Variants in HSPG2 observed in about 807,000 individuals in gnomAD.
HSPG2 encodes heparan sulfate proteoglycan 2.
In HSPG2, 278 loss-of-function variants were observed where a neutral mutation model predicts 526.6. That is an observed-to-expected ratio of 0.53 (90% CI 0.48 to 0.58). The LOEUF (loss-of-function observed/expected upper bound fraction) is 0.58, where lower values mean the gene tolerates loss of function less well. Among genes scored for constraint, HSPG2 ranks in the 20% least tolerant of loss-of-function variants. HSPG2 has a pLI of 0.00. For synonymous variants in HSPG2, 2,465 were observed against 2,555.4 expected (o/e 0.96, Z 1.07); for missense variants, 5,354 against 6,099.5 (o/e 0.88, Z 4.07).
chr1:21,852,927 G>A lies in HSPG2; in HGVS notation c.6583C>T (p.Arg2195Trp), dbSNP rs566319401. 20 of 1,613,012 alleles carry A rather than the reference G, an allele frequency of 1.2e-5. No homozygotes were observed. The highest frequency in any genetic ancestry group is 1.7e-4 in the Middle Eastern group (1 of 5,932). Reference protein sequence around the residue: ...WHKRGGSLPARHQTHGSLLRL... With the variant: ...WHKRGGSLPAWHQTHGSLLRL... ...CCGGGGGGCTGCCATACCTGGTGCC[G>A]GGCAGGGAGGCTGCCCCCACGCTTG... is the stretch of plus-strand genomic sequence containing the variant. The change falls in exon 51 of 97, where the codon CGG becomes TGG. Residue 2195 changes from arginine to tryptophan, a missense_variant. Arg to Trp is a moderately radical substitution (Grantham distance 101, BLOSUM62 -3). Coordinates refer to ENST00000374695, the MANE Select transcript of HSPG2 (RefSeq NM_005529.7).
At position 21,878,178 on chromosome 1, in the gene HSPG2, A is replaced by G. The variant is rs763446015; in HGVS notation, c.2685+8T>C. 1.2e-6 allele frequency: 2 copies of G among 1,613,328 alleles called. No individual in the cohort carries two copies. Among genetic ancestry groups the G allele is most frequent in the Non-Finnish European group, 1.7e-6 (2 of 1,179,628 alleles). On this transcript the variant is annotated splice_region_variant and intron_variant, in intron 21 of 96. Transcript: ENST00000374695. ...GGCCCCTGGGTGGGTGGCAGATGGC[A>G]CGCGTACCTTACAGCGGCAGGCCTC... is the stretch of plus-strand genomic sequence containing the variant.
chr1:21,898,385 C>G lies in HSPG2; in HGVS notation c.64-2075G>C, dbSNP rs78944610. On this transcript the variant is annotated intron_variant, in intron 1 of 96. Coordinates refer to ENST00000374695, the MANE Select transcript of HSPG2 (RefSeq NM_005529.7). This position sits in a 1 kb window ranked among gnomAD's most constrained non-coding sequence, Gnocchi z 4.0. Reference sequence around the variant, plus strand: ...TCCTTCTCCTCTCCCTGCCCTCTCCCTGTCCTCCTGAGTGCTGGCCTGTGG... The same window carrying G: ...TCCTTCTCCTCTCCCTGCCCTCTCCGTGTCCTCCTGAGTGCTGGCCTGTGG... 5.4e-3 allele frequency among the ~76,000 whole-genome samples: 828 copies of G among 152,352 alleles called. 8 individuals are homozygous for G. Among genetic ancestry groups the G allele is most frequent in the African/African-American group, 0.019 (802 of 41,578 alleles).
intron 1 of HSPG2, among the ~76,000 whole-genome samples, chr1:21,922,814 C>A (rs35304121): frequency 0.015 from 2,296 of 152,264 alleles, 26 homozygotes; most frequent in South Asian, 0.025. Context: ...AAGCTTTGAT[C>A]TTATCACACA....
chr1:21,922,945 G>T lies in HSPG2; in HGVS notation c.63+14210C>A, dbSNP rs182061039. Among the ~76,000 whole-genome samples, 132 of 152,186 alleles carry T rather than the reference G, an allele frequency of 8.7e-4. 1 individual carries two copies. The East Asian group carries it at 0.025, about 29-fold the overall frequency. ...AAGTCGAATCCAGGCTTGAGCTGAT[G>T]TTTCCCCCATCCCGCCCCCACCCCG... is the stretch of plus-strand genomic sequence containing the variant. On this transcript the variant is annotated intron_variant, in intron 1 of 96. Coordinates refer to ENST00000374695, the MANE Select transcript of HSPG2 (RefSeq NM_005529.7).
intron 37 of HSPG2, 68 bp from the exon 38 acceptor site, chr1:21,862,183 A>T: frequency 6.4e-7 from 1 of 1,564,906 alleles, no homozygotes; most frequent in East Asian, 2.2e-5. Context: ...TCAGGGTTGC[A>T]ATCCCTTGAT....
chr1:21,850,068 G>C lies in HSPG2; in HGVS notation c.7419C>G (p.Arg2473=). 1 of 1,613,410 alleles carries C rather than the reference G, an allele frequency of 6.2e-7. No individual in the cohort carries two copies. Among genetic ancestry groups the C allele is most frequent in the East Asian group, 2.2e-5 (1 of 44,886 alleles). The stretch of plus-strand genomic sequence containing the variant: ...GGTGCCGGGCCGGGAGGCTGCCCCC[G>C]CGCTTGTGCCACGTGACCTGGGCAT... The part of the protein sequence containing the change: ...QAHAQVTWHK[R]GGSLPARHQV... Residue 2473 remains arginine (R), a synonymous_variant, in exon 57 of 97, where the codon CGC becomes CGG. Transcript: ENST00000374695.
chr1:21,829,425 T>A lies in HSPG2; in HGVS notation c.11950A>T (p.Met3984Leu). The A allele has an allele frequency of 6.2e-7, 1 of 1,613,290 alleles. No homozygotes were observed. The highest frequency in any genetic ancestry group is 1.1e-5 in the South Asian group (1 of 91,064). ...CGGAACTCCAGGTGGCCGCCCACCA[T>A]CGCCAGGGACACGAAGTCCTCCACA... is the stretch of plus-strand genomic sequence containing the variant. ...GPVEDFVSLA[M>L]VGGHLEFRYE... The change falls in exon 87 of 97, where the codon ATG becomes TTG. Residue 3984 changes from methionine (M) to leucine (L), a missense_variant. Met to Leu is a conservative substitution (Grantham distance 15). Coordinates refer to ENST00000374695, the MANE Select transcript of HSPG2 (RefSeq NM_005529.7).
In HSPG2 at chr1:21,893,264, C is replaced by T. The variant is rs1227256036; in HGVS notation, c.245-2570G>A. On this transcript the variant is annotated intron_variant, in intron 3 of 96. Transcript: ENST00000374695. This position sits in a 1 kb window ranked among gnomAD's most constrained non-coding sequence, Gnocchi z 4.3. Reference sequence around the variant, plus strand: ...CACAAGTGGCCTCTGGAATGCAGGGCCTGGTCCCTGCAGGGCTGCTGCACC... The same window carrying T: ...CACAAGTGGCCTCTGGAATGCAGGGTCTGGTCCCTGCAGGGCTGCTGCACC... 6.6e-6 allele frequency among the ~76,000 whole-genome samples: 1 copy of T among 152,204 alleles called. No individual in the cohort carries two copies. The highest frequency in any genetic ancestry group is 1.5e-5 in the Non-Finnish European group (1 of 68,028).
rs2098028175 is a variant in HSPG2 at position 21,836,828 on chromosome 1, A to G, written c.10329T>C (p.Gly3443=). ...GGAGCACCCCATCCTGCACGCTGTG[A>G]CCCGGAGGCAGCTGACCCCCTTCCT... ...WFKEGGQLPP[G]HSVQDGVLRI... Residue 3443 remains glycine, a synonymous_variant, in exon 75 of 97, where the codon GGT becomes GGC. Coordinates refer to ENST00000374695, the MANE Select transcript of HSPG2 (RefSeq NM_005529.7). The G allele has an allele frequency of 6.4e-7, 1 of 1,573,750 alleles. No individual in the cohort carries two copies. Among genetic ancestry groups the G allele is most frequent in the Non-Finnish European group, 8.6e-7 (1 of 1,161,976 alleles).
intron 74 of HSPG2, among the ~76,000 whole-genome samples, chr1:21,837,260 C>A (rs1489971960): frequency 6.6e-6 from 1 of 152,162 alleles, no homozygotes; most frequent in Non-Finnish European, 1.5e-5. Flanking sequence ...GTGGGGAGGG[C>A]AGGCCACGAA....
rs1572342507 is a variant in HSPG2, at chr1:21,880,247, T to C, written c.2203A>G (p.Ile735Val). Residue 735 changes from isoleucine to valine, a missense_variant, in exon 17 of 97, where the codon ATT (isoleucine) becomes GTT (valine). Physicochemically the swap from Ile to Val is conservative, Grantham distance 29. Coordinates refer to ENST00000374695, the MANE Select transcript of HSPG2 (RefSeq NM_005529.7). ...TCGCAGGACAAGCCAGAATAGCCAATGGGGCATCTGTGGGGACAGGACCAA... is the reference window on the plus strand; with the variant it reads ...TCGCAGGACAAGCCAGAATAGCCAACGGGGCATCTGTGGGGACAGGACCAA... ...AHSVEECRCP[I>V]GYSGLSCESC... 1 of 1,613,928 alleles carries C rather than the reference T, an allele frequency of 6.2e-7. No individual in the cohort carries two copies. Among genetic ancestry groups the C allele is most frequent in the East Asian group, 2.2e-5 (1 of 44,874 alleles).
Position 21,876,276 on chromosome 1 carries a change from A to G in HSPG2, c.2956T>C (p.Ser986Pro), listed in dbSNP as rs763811468. ...LGFSSFHRLL[S>P]GPYFWSLPSR... is the part of the protein sequence containing the mutation. ...GGGAGGCTCCAGAAGTAGGGTCCAG[A>G]TAAGAGTCTGTGGAAGGAGGAGAAT... is the stretch of plus-strand genomic sequence containing the variant. Residue 986 changes from serine (S) to proline (P), a missense_variant, in exon 23 of 97, where the codon TCT becomes CCT. Transcript: ENST00000374695. 1.2e-6 allele frequency: 2 copies of G among 1,613,892 alleles called. No homozygotes were observed. The highest frequency in any genetic ancestry group is 1.7e-6 in the Non-Finnish European group (2 of 1,179,946).
In HSPG2 at chr1:21,851,905, T is replaced by G. The variant is rs769821500; in HGVS notation, c.6892A>C (p.Ile2298Leu). Residue 2298 changes from isoleucine to leucine, a missense_variant, in exon 54 of 97, where the codon ATC (isoleucine) becomes CTC (leucine). By Grantham distance (5) the Ile-to-Leu change is conservative. Transcript: ENST00000374695. ...RHQVRGSRLY[I>L]FQASPADAGQ... ...GCATCGGCAGGTGAGGCCTGGAAGA[T>G]GTACAGGCGGGAGCCACGAACCTGG... The G allele has an allele frequency of 6.2e-7, 1 of 1,608,686 alleles. No individual in the cohort carries two copies. The highest frequency in any genetic ancestry group is 2.2e-5 in the East Asian group (1 of 44,672).
rs546820035 is a variant in HSPG2 at position 21,835,710 on chromosome 1, G to A, written c.10356-73C>T. Reference sequence around the variant, plus strand: ...AGAATGCTTTGCAATTGGGCTGGGCGTGGTGGCTCACGCCTGTAATCCCAG... The same window carrying A: ...AGAATGCTTTGCAATTGGGCTGGGCATGGTGGCTCACGCCTGTAATCCCAG... On this transcript the variant is annotated intron_variant, in intron 75 of 96. Coordinates refer to ENST00000374695, the MANE Select transcript of HSPG2 (RefSeq NM_005529.7). 6.7e-5 allele frequency: 79 copies of A among 1,177,100 alleles called. 1 individual carries two copies. Among genetic ancestry groups the A allele is most frequent in the East Asian group, 4.2e-4 (17 of 40,780 alleles). 72.9% of individuals were successfully genotyped at this position (1,177,100 alleles called of 1,614,324 possible).
intron 52 of HSPG2, among the ~76,000 whole-genome samples, 194 bp downstream of exon 52, chr1:21,852,506 G>A (rs1457329152): frequency 2.6e-5 from 4 of 152,236 alleles, no homozygotes; most frequent in Non-Finnish European, 4.4e-5. Flanking sequence ...GACGCCTGAG[G>A]AGTCATGTGG....
intron 1 of HSPG2, among the ~76,000 whole-genome samples, chr1:21,897,852 T>C (rs1642861722): frequency 6.6e-6 from 1 of 152,104 alleles, no homozygotes; most frequent in Non-Finnish European, 1.5e-5. Context: ...AAAATGGGTA[T>C]ATTTTGTTGT....
intron 37 of HSPG2, among the ~76,000 whole-genome samples, chr1:21,863,060 CAAAAAAAAAAAA>C (rs60890297): frequency 6.4e-5 from 2 of 31,232 alleles, no homozygotes; most frequent in African/African-American, 1.5e-4. Context: ...GACTCCATCT[CAAAAAAAAAAAA>C]AAAAAAAAAA....
chr1:21,873,312 T>C, intron 30 of HSPG2, 63 bp downstream of exon 30: 1 of 1,574,882 alleles, frequency 6.3e-7, no homozygotes, highest in Non-Finnish European at 8.7e-7. Context: ...AAGGCTTCTG[T>C]CCTAGCTCCG....
At chr1:21,906,749 A>T (rs934069494) in intron 1 of HSPG2, among the ~76,000 whole-genome samples, 1 of 151,874 alleles carries the variant, frequency 6.6e-6, no homozygotes, top group African/African-American at 2.4e-5. Flanking sequence ...GGTCACGTGC[A>T]ACTATTTGGT....
Sources: allele counts gnomAD v4.1 joint callset (sites outside exome capture counted in the v4.1 genomes callset), GRCh38; gene constraint gnomAD v4.1.1; non-coding constraint Gnocchi (gnomAD v3.1); transcripts MANE v1.5; gene names NCBI Gene and HGNC (gene_info 2026-07-23, HGNC 2026-07-21).